The following MCF2L2 variants were observed in gnomAD, a reference collection of about 807,000 sequenced individuals.
The protein encoded by MCF2L2 is MCF.2 cell line derived transforming sequence-like 2.
In MCF2L2, 102 loss-of-function variants were observed where a neutral mutation model predicts 150.2. The ratio of observed to expected loss-of-function variants is 0.68; its 90% CI spans 0.58 to 0.80. MCF2L2 has a LOEUF of 0.80. Ranked by LOEUF, MCF2L2 falls within the 30% of genes least tolerant of loss-of-function variation. The pLI is 0.00. For synonymous variants in MCF2L2, 465 were observed against 491.3 expected, an observed-to-expected ratio of 0.95 and a Z score of 0.71; for missense variants, 1,256 against 1,372.8, an observed-to-expected ratio of 0.91 and a Z score of 1.34.
chr3:183,395,792 C>T (rs1329467253), intron 1 of MCF2L2, among the ~76,000 whole-genome samples: 7 of 151,476 alleles, frequency 4.6e-5, no homozygotes, highest in Non-Finnish European at 7.4e-5. Flanking sequence ...GTGGCACGTG[C>T]GTGTAATCCC....
At chr3:183,368,659 G>A (rs946677450) in intron 3 of MCF2L2, among the ~76,000 whole-genome samples, 2 of 152,188 alleles carry the variant, frequency 1.3e-5, no homozygotes, top group Admixed American at 6.5e-5. Flanking sequence ...AGCTACTCAG[G>A]AGGCTGAGGC....
intron 22 of MCF2L2, among the ~76,000 whole-genome samples, chr3:183,213,701 A>G (rs1722815888): frequency 6.6e-6 from 1 of 152,180 alleles, no homozygotes. Context: ...GTGGAATAGC[A>G]CCCTGATAGG....
At chr3:183,245,374 G>A (rs1431879705) in intron 15 of MCF2L2, among the ~76,000 whole-genome samples, 1 of 152,144 alleles carries the variant, frequency 6.6e-6, no homozygotes, top group Non-Finnish European at 1.5e-5. Flanking sequence ...ACTCCAGCAG[G>A]GGCTGGAGTC....
In MCF2L2 at chr3:183,297,052, G is replaced by A; in HGVS notation, c.1421C>T (p.Thr474Ile). The A allele has an allele frequency of 6.2e-7, 1 of 1,614,164 alleles. No individual in the cohort carries two copies. Among genetic ancestry groups the A allele is most frequent in the Non-Finnish European group, 8.5e-7 (1 of 1,180,034 alleles). Residue 474 changes from threonine to isoleucine, a missense_variant, in exon 12 of 30, where the codon ACA becomes ATA. Physicochemically the swap from Thr to Ile is moderately conservative, Grantham distance 89. Coordinates refer to ENST00000328913, the MANE Select transcript of MCF2L2 (RefSeq NM_015078.4). ...ALNDIATFLG[T>I]VKEYPLLSPK... is the part of the protein sequence containing the mutation. Reference sequence around the variant, plus strand: ...GCTGAGCAACGGGTACTCCTTGACTGTGCCCAGGAATGTCGCAATGTCGTT... The same window carrying A: ...GCTGAGCAACGGGTACTCCTTGACTATGCCCAGGAATGTCGCAATGTCGTT...
At chr3:183,319,957 T>C (rs1729742888) in intron 6 of MCF2L2, among the ~76,000 whole-genome samples, 1 of 152,106 alleles carries the variant, frequency 6.6e-6, no homozygotes, top group South Asian at 2.1e-4. Flanking sequence ...AACAAGAGAG[T>C]CAGCCTGTCC....
intron 15 of MCF2L2, among the ~76,000 whole-genome samples, chr3:183,268,789 C>G (rs910615764): frequency 6.6e-6 from 1 of 152,142 alleles, no homozygotes; most frequent in Non-Finnish European, 1.5e-5. Context: ...GTGGCTAAGG[C>G]GGCATTGGTG....
At chr3:183,416,569 G>C (rs923080627) in intron 1 of MCF2L2, among the ~76,000 whole-genome samples, 3 of 152,060 alleles carry the variant, frequency 2.0e-5, no homozygotes, top group Non-Finnish European at 4.4e-5. Context: ...ACTTAATGCT[G>C]GCAACACAGC....
intron 15 of MCF2L2, among the ~76,000 whole-genome samples, chr3:183,233,496 A>C (rs891587186): frequency 6.6e-5 from 10 of 152,264 alleles, no homozygotes; most frequent in Middle Eastern, 3.4e-3. Flanking sequence ...TGACTAAAAC[A>C]CTGATATGAC....
Position 183,310,818 on chromosome 3 carries a change from G to T in MCF2L2, c.993+97C>A, listed in dbSNP as rs1729339245. Reference sequence around the variant, plus strand: ...GAGATAAGGAGAAAGCTGGATTAGGGAAAAGAGGGAAACCCCATACCAAAG... The same window carrying T: ...GAGATAAGGAGAAAGCTGGATTAGGTAAAAGAGGGAAACCCCATACCAAAG... On this transcript the variant is annotated intron_variant, in intron 9 of 29. Coordinates refer to ENST00000328913, the MANE Select transcript of MCF2L2 (RefSeq NM_015078.4). 1.2e-5 allele frequency: 9 copies of T among 780,700 alleles called. No homozygotes were observed. In the South Asian group the frequency reaches 1.4e-4, roughly 12 times the overall value. 48.4% of individuals were successfully genotyped at this position (780,700 alleles called of 1,614,324 possible).
intron 15 of MCF2L2, among the ~76,000 whole-genome samples, chr3:183,240,905 T>G (rs1723993731): frequency 6.6e-6 from 1 of 152,262 alleles, no homozygotes; most frequent in Non-Finnish European, 1.5e-5. Flanking sequence ...ACTCTCATCC[T>G]TGTTTCCCAC....
intron 1 of MCF2L2, among the ~76,000 whole-genome samples, chr3:183,396,784 G>C (rs1714489187): frequency 6.6e-6 from 1 of 152,094 alleles, no homozygotes; most frequent in Non-Finnish European, 1.5e-5. Context: ...ATATGGAATA[G>C]TATGATGAGA....
At chr3:183,386,651 G>T (rs982977904) in intron 2 of MCF2L2, among the ~76,000 whole-genome samples, 1 of 152,160 alleles carries the variant, frequency 6.6e-6, no homozygotes, top group East Asian at 1.9e-4. Flanking sequence ...TACCTTACTT[G>T]CCTGAATCAG....
rs1489783444 is a variant in MCF2L2 at position 183,267,051 on chromosome 3, G to A, written c.1862+9821C>T. Among the ~76,000 whole-genome samples, 1 of 152,122 alleles carries A rather than the reference G, an allele frequency of 6.6e-6. No individual in the cohort carries two copies. The highest frequency in any genetic ancestry group is 2.4e-5 in the African/African-American group (1 of 41,416). On this transcript the variant is annotated intron_variant, in intron 15 of 29. Transcript: ENST00000328913. The surrounding 1 kb of genome is among the most constrained non-coding windows in gnomAD (Gnocchi z 5.5). ...TCCTCCTGCCTCGGCCTCCCAAAGC[G>A]CTAGGATTACAGGCGTGAGCCACCA...
chr3:183,216,955 C>T (rs1436595200), intron 21 of MCF2L2, among the ~76,000 whole-genome samples: 1 of 151,318 alleles, frequency 6.6e-6, no homozygotes, highest in East Asian at 1.9e-4. Flanking sequence ...TTTAAATAGG[C>T]TTCTCTCTCT....
intron 15 of MCF2L2, chr3:183,271,067 A>G (rs1577008304): frequency 1.2e-6 from 1 of 820,286 alleles, no homozygotes. Flanking sequence ...GTCCATCAGA[A>G]TGTTTCTTTG....
At chr3:183,261,228 G>A (rs1404497494) in intron 15 of MCF2L2, among the ~76,000 whole-genome samples, 1 of 152,120 alleles carries the variant, frequency 6.6e-6, no homozygotes, top group Non-Finnish European at 1.5e-5. Context: ...AGCTTTTCCA[G>A]TAAATCTGGG....
intron 1 of MCF2L2, among the ~76,000 whole-genome samples, chr3:183,417,844 A>G (rs765390174): frequency 3.3e-5 from 5 of 152,170 alleles, no homozygotes; most frequent in African/African-American, 4.8e-5. Flanking sequence ...AGGGAAGCAA[A>G]GCATATGTTT....
At chr3:183,313,232 A>AACACAC (rs111694523) in intron 7 of MCF2L2, among the ~76,000 whole-genome samples, 1,617 of 149,402 alleles carry the variant, frequency 0.011, 21 homozygotes, top group African/African-American at 0.037. Context: ...AGCTTCCAGC[A>AACACAC]ACACACACAC....
rs964878767 is a variant in MCF2L2 at position 183,178,830 on chromosome 3, G to A, written c.*550C>T. ...CCATGAACGCTCGCAGGGATGCTGG[G>A]AGGCGGACCGGGAGCTCCCAGTCTG... On this transcript the variant is annotated 3_prime_UTR_variant, in exon 30 of 30. Transcript: ENST00000328913. The A allele has an allele frequency of 2.6e-5, 4 of 152,450 alleles. No homozygotes were observed. The highest frequency in any genetic ancestry group is 6.5e-5 in the Admixed American group (1 of 15,294). The allele number at this position is 152,450 out of a possible 1,614,324, so 9.4% of individuals were successfully genotyped here. A position where few individuals can be genotyped will look rare whatever the true frequency, so the allele number is the denominator to read the frequency against.
Sources: gnomAD v4.1 joint callset for allele counts (sites outside exome capture counted in the v4.1 genomes callset) on GRCh38, gnomAD v4.1.1 for gene constraint, Gnocchi (gnomAD v3.1) non-coding constraint, MANE v1.5 for transcripts, NCBI Gene and HGNC (gene_info 2026-07-23, HGNC 2026-07-21) for gene names.